DCTN4: variants seen among roughly 807,000 people sequenced by gnomAD.
The protein encoded by DCTN4 is dynactin subunit 4.
A neutral mutation model predicts 62.7 loss-of-function variants in DCTN4; 23 were observed. The ratio of observed to expected loss-of-function variants is 0.37; its 90% confidence interval spans 0.26 to 0.52. The LOEUF is 0.52. Ranked by LOEUF, DCTN4 falls within the 20% of genes least tolerant of loss-of-function variation. The pLI, the probability that DCTN4 is intolerant of heterozygous loss-of-function variation, is 0.92. For missense variants in DCTN4, 514 were observed against 580.4 expected (o/e 0.89, Z 1.18); for synonymous variants, 199 against 202.1 (o/e 0.98, Z 0.13).
At chr5:150,718,504 T>TA (rs1759851595) in intron 10 of DCTN4, 121 bp from the exon 11 acceptor site, 1 of 651,520 alleles carries the variant, frequency 1.5e-6, no homozygotes, top group Non-Finnish European at 2.8e-6. Flanking sequence ...CTTATACCTC[T>TA]ACATCACTGT....
intron 12 of DCTN4, among the ~76,000 whole-genome samples, chr5:150,713,590 C>T (rs531669111): frequency 2.3e-4 from 34 of 151,094 alleles, no homozygotes; most frequent in Non-Finnish European, 4.3e-4. Context: ...ATTACAGGCA[C>T]GTGCCACCAC....
At chr5:150,712,937 AT>A (rs1409832680) in intron 12 of DCTN4, among the ~76,000 whole-genome samples, 2 of 152,248 alleles carry the variant, frequency 1.3e-5, no homozygotes, top group African/African-American at 4.8e-5. Context: ...GTAAAATATA[AT>A]TAATTCAGTT....
At chr5:150,744,560 A>C (rs1240950412) in intron 3 of DCTN4, among the ~76,000 whole-genome samples, 1 of 152,212 alleles carries the variant, frequency 6.6e-6, no homozygotes, top group Non-Finnish European at 1.5e-5. Flanking sequence ...GTTACCCACA[A>C]AGGGAAGCCC....
At chr5:150,752,823 T>C (rs1581604596) in intron 3 of DCTN4, among the ~76,000 whole-genome samples, 1 of 152,190 alleles carries the variant, frequency 6.6e-6, no homozygotes, top group Non-Finnish European at 1.5e-5. Context: ...TAGCCTGTTA[T>C]ATAAGACCCA....
intron 8 of DCTN4, among the ~76,000 whole-genome samples, chr5:150,725,157 C>CA (rs966438340): frequency 0.071 from 3,606 of 50,886 alleles, 240 homozygotes; most frequent in African/African-American, 0.16. Flanking sequence ...GACTCCGTCT[C>CA]AAAAAAAAAA....
chr5:150,719,662 T>A, intron 10 of DCTN4, 54 bp downstream of exon 10: 1 of 1,292,516 alleles, frequency 7.7e-7, no homozygotes, highest in Admixed American at 1.7e-5. Flanking sequence ...CATACACATG[T>A]ACACACATCA....
At chr5:150,714,361 C>T (rs1256066340) in intron 12 of DCTN4, among the ~76,000 whole-genome samples, 2 of 151,780 alleles carry the variant, frequency 1.3e-5, no homozygotes, top group African/African-American at 2.4e-5. Context: ...TCCCTGTTCC[C>T]TGTGGCCATC....
chr5:150,724,748 T>C (rs777736359), intron 8 of DCTN4, among the ~76,000 whole-genome samples: 8 of 152,190 alleles, frequency 5.3e-5, no homozygotes, highest in Non-Finnish European at 1.0e-4. Flanking sequence ...TGCATGGGTC[T>C]ACGTCTGCAT....
chr5:150,758,902 C>T lies in DCTN4; in HGVS notation c.92G>A (p.Arg31His). 6.2e-7 allele frequency: 1 copy of T among 1,614,080 alleles called. No individual in the cohort carries two copies. The highest frequency in any genetic ancestry group is 8.5e-7 in the Non-Finnish European group (1 of 1,180,002). The change falls in exon 1 of 13, where the codon CGC (arginine) becomes CAC (histidine). Residue 31 changes from arginine (R) to histidine (H), a missense_variant. Transcript: ENST00000447998. ...CAGCGACCGCAGTTCGCTACAATAG[C>T]GGCAGAAGTAGAGTTGCGAGAGCGG... is the stretch of plus-strand genomic sequence containing the variant. ...RAPLSQLYFC[R>H]YCSELRSLEC...
At chr5:150,727,680 G>A (rs1223205308) in intron 8 of DCTN4, among the ~76,000 whole-genome samples, 1 of 150,786 alleles carries the variant, frequency 6.6e-6, no homozygotes, top group Non-Finnish European at 1.5e-5. Context: ...GGAGGCTGAG[G>A]CAGGAGAATG....
At chr5:150,738,271 C>A (rs1216103691) in intron 4 of DCTN4, among the ~76,000 whole-genome samples, 2 of 152,122 alleles carry the variant, frequency 1.3e-5, no homozygotes, top group African/African-American at 4.8e-5. Context: ...TCTATGAATC[C>A]AGCATCGCCC....
chr5:150,730,798 T>C, intron 7 of DCTN4, 58 bp from the exon 8 acceptor site: 10 of 1,392,090 alleles, frequency 7.2e-6, no homozygotes, highest in Non-Finnish European at 9.2e-6. Flanking sequence ...ATCAGACTTT[T>C]ATGTACCAGT....
chr5:150,739,998 C>T (rs1256367638), intron 4 of DCTN4, among the ~76,000 whole-genome samples: 3 of 152,110 alleles, frequency 2.0e-5, no homozygotes, highest in Admixed American at 2.0e-4. Flanking sequence ...TGAGAAAAAT[C>T]CTTCTAGACA....
chr5:150,756,357 G>C, intron 2 of DCTN4, 60 bp downstream of exon 2: 1 of 1,259,368 alleles, frequency 7.9e-7, no homozygotes, highest in Non-Finnish European at 1.1e-6. Flanking sequence ...TTTTTAACTA[G>C]CTATTTTAGA....
chr5:150,742,564 C>T (rs1478865454), intron 3 of DCTN4, among the ~76,000 whole-genome samples: 2 of 152,216 alleles, frequency 1.3e-5, no homozygotes, highest in Non-Finnish European at 1.5e-5. Flanking sequence ...TTGCTCTTAT[C>T]TGTAACACTG....
At chr5:150,743,921 C>T (rs1200801639) in intron 3 of DCTN4, among the ~76,000 whole-genome samples, 4 of 152,186 alleles carry the variant, frequency 2.6e-5, no homozygotes, top group Non-Finnish European at 4.4e-5. Context: ...TCACCAGCAA[C>T]GGAACAAAGC....
At chr5:150,753,417 C>T (rs570917404) in intron 3 of DCTN4, 62 bp downstream of exon 3, 1 of 1,467,520 alleles carries the variant, frequency 6.8e-7, no homozygotes, top group South Asian at 1.2e-5. Context: ...AAATAATAAT[C>T]TATGGGCAAT....
chr5:150,751,123 T>G (rs575785679), intron 3 of DCTN4, among the ~76,000 whole-genome samples: 1 of 152,302 alleles, frequency 6.6e-6, no homozygotes, highest in East Asian at 1.9e-4. Flanking sequence ...GGTAATTTAT[T>G]CTAAGTAGCA....
chr5:150,743,577 C>T (rs565210197), intron 3 of DCTN4, among the ~76,000 whole-genome samples: 18 of 152,272 alleles, frequency 1.2e-4, no homozygotes, highest in Middle Eastern at 3.4e-3. Flanking sequence ...ACACCTCACA[C>T]GGCCGGGTAC....
Sources: allele counts gnomAD v4.1 joint callset (sites outside exome capture counted in the v4.1 genomes callset), GRCh38; gene constraint gnomAD v4.1.1; transcripts MANE v1.5; gene names NCBI Gene and HGNC (gene_info 2026-07-23, HGNC 2026-07-21).